The following CMIP variants were observed in gnomAD, a reference collection of about 807,000 sequenced individuals.
CMIP encodes c-Maf inducing protein, also known as C-Maf-inducing protein.
CMIP carries 13 observed loss-of-function variants against 97.3 expected under a neutral mutation model. The observed-to-expected ratio is 0.13, with a 90% CI of 0.09 to 0.21. The LOEUF is 0.21. CMIP is among the 10% of genes least tolerant of loss of function. The pLI is 1.00. For synonymous variants in CMIP, 538 were observed against 436.3 expected, an observed-to-expected ratio of 1.23 and a Z score of -2.91; for missense variants, 847 against 1,024.9, an observed-to-expected ratio of 0.83 and a Z score of 2.37.
chr16:81,637,494 A>G (rs1033907983), intron 3 of CMIP, among the ~76,000 whole-genome samples: 2 of 152,226 alleles, frequency 1.3e-5, no homozygotes, highest in Admixed American at 1.3e-4. Flanking sequence ...CCAGGATGCA[A>G]ATGCTACTAT....
At chr16:81,571,911 C>G (rs951565608) in intron 1 of CMIP, among the ~76,000 whole-genome samples, 1 of 152,264 alleles carries the variant, frequency 6.6e-6, no homozygotes. Context: ...CATCCCAACT[C>G]TCTTCCAGCC....
intron 1 of CMIP, among the ~76,000 whole-genome samples, chr16:81,598,067 C>G (rs13337864): frequency 0.021 from 3,136 of 152,198 alleles, 97 homozygotes; most frequent in African/African-American, 0.072. Flanking sequence ...TCGGTTTCCT[C>G]ATCTGTGTGG....
At chr16:81,604,583 C>T (rs2091711368) in intron 1 of CMIP, among the ~76,000 whole-genome samples, 1 of 152,040 alleles carries the variant, frequency 6.6e-6, no homozygotes, top group African/African-American at 2.4e-5. Context: ...CGCCTGTAAT[C>T]TCAGCTTCTC....
intron 1 of CMIP, among the ~76,000 whole-genome samples, chr16:81,498,660 G>A (rs12448434): frequency 0.38 from 57,565 of 152,070 alleles, 11,081 homozygotes; most frequent in East Asian, 0.48. Flanking sequence ...GAGCACACAC[G>A]TGTGTGCATG....
At chr16:81,483,193 G>T (rs1236996971) in intron 1 of CMIP, among the ~76,000 whole-genome samples, 1 of 152,212 alleles carries the variant, frequency 6.6e-6, no homozygotes, top group Non-Finnish European at 1.5e-5. Flanking sequence ...CTGGATGAGA[G>T]GTGACACTTG....
At chr16:81,535,501 G>C (rs531225461) in intron 1 of CMIP, among the ~76,000 whole-genome samples, 2 of 138,002 alleles carry the variant, frequency 1.4e-5, no homozygotes, top group Non-Finnish European at 3.1e-5. Context: ...GCTGTTGTAC[G>C]TTCTTTCTCT....
chr16:81,676,150 T>C (rs1286283644), intron 9 of CMIP, among the ~76,000 whole-genome samples: 2 of 151,974 alleles, frequency 1.3e-5, no homozygotes, highest in African/African-American at 4.8e-5. Flanking sequence ...GTGGCGAGGG[T>C]GAGATGGTGC....
At position 81,652,458 on chromosome 16, in the gene CMIP, G is replaced by C. The variant is rs533306942; in HGVS notation, c.639+94G>C. On this transcript the variant is annotated intron_variant, in intron 4 of 20. Coordinates refer to ENST00000537098, the MANE Select transcript of CMIP (RefSeq NM_198390.3). This position sits in a 1 kb window ranked among gnomAD's most constrained non-coding sequence, Gnocchi z 5.2. The stretch of plus-strand genomic sequence containing the variant: ...AAGCAGCAGGCGCAGGCAGAGCTCC[G>C]TGTGGGCTGTGTTGTTGCCCTGCTG... 9.1e-6 allele frequency: 10 copies of C among 1,104,450 alleles called. No individual in the cohort carries two copies. Among genetic ancestry groups the C allele is most frequent in the Non-Finnish European group, 1.3e-5 (10 of 760,126 alleles). The allele number at this position is 1,104,450 out of a possible 1,614,324, so 68.4% of individuals were successfully genotyped here.
At chr16:81,490,804 A>G (rs966479113) in intron 1 of CMIP, among the ~76,000 whole-genome samples, 3 of 150,866 alleles carry the variant, frequency 2.0e-5, no homozygotes, top group African/African-American at 7.5e-5. Context: ...AGAACATTCC[A>G]GACAAGGAGA....
chr16:81,701,847 G>A (rs199830971), intron 16 of CMIP, 47 bp downstream of exon 16: 25 of 1,609,358 alleles, frequency 1.6e-5, no homozygotes, highest in East Asian at 6.7e-5. Flanking sequence ...AGCAGGCCAG[G>A]GGGGGCCAGG....
At chr16:81,598,451 G>A (rs8053831) in intron 1 of CMIP, among the ~76,000 whole-genome samples, 21,580 of 152,188 alleles carry the variant, frequency 0.14, 2,005 homozygotes, top group East Asian at 0.3. Context: ...CAGATACGGA[G>A]CGTTTGCATC....
At chr16:81,483,618 C>T (rs2089268443) in intron 1 of CMIP, among the ~76,000 whole-genome samples, 1 of 152,158 alleles carries the variant, frequency 6.6e-6, no homozygotes, top group Non-Finnish European at 1.5e-5. Context: ...TCTCCCTGAC[C>T]CTCCCCCAGC....
intron 1 of CMIP, among the ~76,000 whole-genome samples, chr16:81,584,871 A>G (rs2091355291): frequency 6.6e-6 from 1 of 152,200 alleles, no homozygotes; most frequent in African/African-American, 2.4e-5. Context: ...CTGGGCCTGG[A>G]TGCCTCCATG....
At position 81,448,315 on chromosome 16, in the gene CMIP, ACT is replaced by A. The variant is rs1267854673; in HGVS notation, c.300+2777_300+2778del. On this transcript the variant is annotated intron_variant, in intron 1 of 20. Coordinates refer to ENST00000537098, the MANE Select transcript of CMIP (RefSeq NM_198390.3). ...ATTCAAACCAATAAACAAGCCAAAT[ACT>A]CTTTTTTGCCCAAACCTTTTGCAGT... is the stretch of plus-strand genomic sequence containing the variant. Among the ~76,000 whole-genome samples, 2 of 152,018 alleles carry A rather than the reference ACT, an allele frequency of 1.3e-5. 1 individual carries two copies. Among genetic ancestry groups the A allele is most frequent in the Middle Eastern group, 6.3e-3 (2 of 316 alleles).
At chr16:81,480,979 G>A (rs9939818) in intron 1 of CMIP, among the ~76,000 whole-genome samples, 109 of 152,262 alleles carry the variant, frequency 7.2e-4, no homozygotes, top group African/African-American at 2.2e-3. Flanking sequence ...CTTTGACATC[G>A]GTGAGAGCTG....
chr16:81,573,962 C>T (rs2091142852), intron 1 of CMIP, among the ~76,000 whole-genome samples: 1 of 152,070 alleles, frequency 6.6e-6, no homozygotes, highest in East Asian at 1.9e-4. Flanking sequence ...TTGGGGGCGC[C>T]ATTTAACACC....
chr16:81,448,702 C>G (rs1361054691), intron 1 of CMIP, among the ~76,000 whole-genome samples: 35 of 152,240 alleles, frequency 2.3e-4, no homozygotes, highest in Admixed American at 2.2e-3. Flanking sequence ...GCACCCTGTG[C>G]TTGGAGACTT....
intron 3 of CMIP, chr16:81,645,356 G>C: frequency 7.0e-7 from 1 of 1,425,912 alleles, no homozygotes. Context: ...GCGTGCTTGG[G>C]TGTGTACGCG....
intron 1 of CMIP, among the ~76,000 whole-genome samples, chr16:81,541,217 A>AT (rs2090443793): frequency 6.6e-6 from 1 of 151,832 alleles, no homozygotes; most frequent in Non-Finnish European, 1.5e-5. Flanking sequence ...TTTCCTTTAT[A>AT]TTTACATTCA....
Sources: gnomAD v4.1 joint callset for allele counts (sites outside exome capture counted in the v4.1 genomes callset) on GRCh38, gnomAD v4.1.1 for gene constraint, Gnocchi (gnomAD v3.1) non-coding constraint, MANE v1.5 for transcripts, NCBI Gene and HGNC (gene_info 2026-07-23, HGNC 2026-07-21) for gene names.